TSPAN5: variants seen among roughly 807,000 people sequenced by gnomAD.
TSPAN5 encodes tetraspanin 5, also known as tetraspanin-5.
Under a neutral mutation model 37.1 loss-of-function variants are expected in TSPAN5, and 10 were observed. The observed-to-expected ratio is 0.27, with a 90% confidence interval of 0.17 to 0.46. The LOEUF (loss-of-function observed/expected upper bound fraction) is 0.46. Ranked by LOEUF, TSPAN5 falls within the 20% of genes least tolerant of loss-of-function variation. TSPAN5 has a pLI of 1.00. For missense variants in TSPAN5, 195 were observed against 326.6 expected (o/e 0.60, Z 3.11); for synonymous variants, 110 against 118.9 (o/e 0.93, Z 0.48).
At chr4:98,606,497 T>C (rs971031628) in intron 1 of TSPAN5, among the ~76,000 whole-genome samples, 1 of 152,210 alleles carries the variant, frequency 6.6e-6, no homozygotes, top group Admixed American at 6.5e-5. Context: ...TTCTTAAACA[T>C]AAACTATGTA....
At chr4:98,579,122 C>T (rs1287185695) in intron 1 of TSPAN5, among the ~76,000 whole-genome samples, 3 of 152,132 alleles carry the variant, frequency 2.0e-5, no homozygotes, top group Non-Finnish European at 4.4e-5. Flanking sequence ...ACAGGTGCTA[C>T]CCGTACACCT....
chr4:98,591,429 C>T (rs1407201182), intron 1 of TSPAN5, among the ~76,000 whole-genome samples: 1 of 101,780 alleles, frequency 9.8e-6, no homozygotes, highest in Non-Finnish European at 1.9e-5. Flanking sequence ...ATACTAAATA[C>T]TATTTATTTG....
chr4:98,569,636 G>A (rs185481540), intron 1 of TSPAN5, among the ~76,000 whole-genome samples: 1 of 152,306 alleles, frequency 6.6e-6, no homozygotes, highest in Non-Finnish European at 1.5e-5. Context: ...AAATACAAGA[G>A]ACACTAAGGA....
chr4:98,531,516 G>A (rs1350243287), intron 1 of TSPAN5, among the ~76,000 whole-genome samples: 3 of 152,262 alleles, frequency 2.0e-5, no homozygotes, highest in Non-Finnish European at 4.4e-5. Context: ...TGTGAATAGT[G>A]CTGCAATAAA....
intron 1 of TSPAN5, among the ~76,000 whole-genome samples, chr4:98,590,493 G>A (rs948140561): frequency 2.6e-5 from 4 of 151,996 alleles, no homozygotes; most frequent in Admixed American, 6.6e-5. Flanking sequence ...GGCAGATCAC[G>A]AGGTCAGGAG....
intron 1 of TSPAN5, among the ~76,000 whole-genome samples, chr4:98,519,978 C>G (rs59150136): frequency 6.6e-6 from 1 of 152,058 alleles, no homozygotes; most frequent in Admixed American, 6.5e-5. Context: ...GCTCAAATAA[C>G]GTGCTTAAAG....
chr4:98,553,937 G>A (rs1560534977), intron 1 of TSPAN5, among the ~76,000 whole-genome samples: 1 of 151,998 alleles, frequency 6.6e-6, no homozygotes, highest in Non-Finnish European at 1.5e-5. Flanking sequence ...CGTGATGGCA[G>A]GCGCCTGTAA....
In TSPAN5 at chr4:98,472,280, A is replaced by C. The variant is rs1752603357; in HGVS notation, c.*242T>G. 1.2e-5 allele frequency: 5 copies of C among 402,408 alleles called. No individual in the cohort carries two copies. Among genetic ancestry groups the C allele is most frequent in the Admixed American group, 4.4e-5 (1 of 22,862 alleles). 24.9% of individuals were successfully genotyped at this position (402,408 alleles called of 1,614,324 possible). A position where few individuals can be genotyped will look rare whatever the true frequency, so the allele number is the denominator to read the frequency against. On this transcript the variant is annotated 3_prime_UTR_variant, in exon 8 of 8. Transcript: ENST00000305798. ...TTTTTTGGTAAGCATCTAACTGTCCATAAATTCATGGCTACAGTAGAGATT... is the reference window on the plus strand; with the variant it reads ...TTTTTTGGTAAGCATCTAACTGTCCCTAAATTCATGGCTACAGTAGAGATT...
intron 1 of TSPAN5, among the ~76,000 whole-genome samples, chr4:98,634,121 C>G (rs573906165): frequency 1.5e-4 from 23 of 152,038 alleles, no homozygotes; most frequent in Admixed American, 2.0e-4. Flanking sequence ...TGATCAATCA[C>G]AATAAAAATT....
At chr4:98,505,766 G>T (rs1021426112) in intron 2 of TSPAN5, among the ~76,000 whole-genome samples, 7 of 152,136 alleles carry the variant, frequency 4.6e-5, no homozygotes, top group African/African-American at 1.7e-4. Flanking sequence ...TCACCAAACT[G>T]GGCTGGTGCA....
chr4:98,540,667 A>G (rs1351728771), intron 1 of TSPAN5, among the ~76,000 whole-genome samples: 1 of 152,034 alleles, frequency 6.6e-6, no homozygotes, highest in Admixed American at 6.6e-5. Flanking sequence ...TAATTCCCGG[A>G]CTGAAAACTA....
At chr4:98,529,792 C>T (rs1754041860) in intron 1 of TSPAN5, among the ~76,000 whole-genome samples, 1 of 152,214 alleles carries the variant, frequency 6.6e-6, no homozygotes, top group South Asian at 2.1e-4. Context: ...ACCTACTCAT[C>T]TTGTTTGGTT....
At chr4:98,476,326 G>T (rs1752694584) in intron 6 of TSPAN5, 21 bp from the exon 7 acceptor site, 1 of 1,612,822 alleles carries the variant, frequency 6.2e-7, no homozygotes. Flanking sequence ...GAAGAGGAGA[G>T]CACATTGTCA....
At chr4:98,537,291 C>T (rs959494598) in intron 1 of TSPAN5, among the ~76,000 whole-genome samples, 11 of 152,200 alleles carry the variant, frequency 7.2e-5, no homozygotes, top group African/African-American at 2.7e-4. Flanking sequence ...ACGCCCCACC[C>T]TGCTTCGGCT....
intron 1 of TSPAN5, among the ~76,000 whole-genome samples, chr4:98,645,890 T>A (rs970505577): frequency 2.0e-5 from 3 of 152,222 alleles, no homozygotes; most frequent in Non-Finnish European, 4.4e-5. Flanking sequence ...TAATAAAAAC[T>A]ACAGTAAAAA....
chr4:98,626,421 C>T (rs143310677), intron 1 of TSPAN5, among the ~76,000 whole-genome samples: 4 of 152,276 alleles, frequency 2.6e-5, no homozygotes, highest in African/African-American at 9.6e-5. Context: ...AGGCATAAGT[C>T]AGATCATGTA....
At chr4:98,540,857 G>A (rs1754342523) in intron 1 of TSPAN5, among the ~76,000 whole-genome samples, 1 of 152,132 alleles carries the variant, frequency 6.6e-6, no homozygotes, top group African/African-American at 2.4e-5. Flanking sequence ...TTTGTTGACT[G>A]AGGACTACAG....
chr4:98,605,485 T>C (rs1477634178), intron 1 of TSPAN5, among the ~76,000 whole-genome samples: 1 of 152,154 alleles, frequency 6.6e-6, no homozygotes, highest in African/African-American at 2.4e-5. Context: ...CAGCAGTCAC[T>C]ACTCACTGTG....
intron 1 of TSPAN5, among the ~76,000 whole-genome samples, chr4:98,549,470 T>G (rs1754556426): frequency 6.6e-6 from 1 of 152,010 alleles, no homozygotes. Flanking sequence ...GCTAGTGTTT[T>G]TTGTATTTTT....
Sources: allele counts gnomAD v4.1 joint callset (sites outside exome capture counted in the v4.1 genomes callset), GRCh38; gene constraint gnomAD v4.1.1; transcripts MANE v1.5; gene names NCBI Gene and HGNC (gene_info 2026-07-23, HGNC 2026-07-21).